NRXN3: variants seen among roughly 807,000 people sequenced by gnomAD.
NRXN3 encodes the protein neurexin III.
NRXN3 carries 32 observed loss-of-function variants against 137.6 expected under a neutral mutation model. That is an observed-to-expected ratio of 0.23 (90% confidence interval 0.18 to 0.31). The LOEUF is 0.31. Ranked by LOEUF, NRXN3 falls within the 10% of genes least tolerant of loss-of-function variation. NRXN3 has a pLI of 1.00. For synonymous variants in NRXN3, 798 were observed against 784.5 expected, an observed-to-expected ratio of 1.02 and a Z score of -0.29; for missense variants, 1,574 against 2,062.5, an observed-to-expected ratio of 0.76 and a Z score of 4.59.
intron 4 of NRXN3, among the ~76,000 whole-genome samples, chr14:78,637,959 G>A (rs936504075): frequency 6.6e-6 from 1 of 152,174 alleles, no homozygotes; most frequent in African/African-American, 2.4e-5. Flanking sequence ...AACTTTTATT[G>A]TAATGCAGTT....
At chr14:78,815,479 C>CTTTTTTTTTTTTTTTTTTTTTTT (rs61411777) in intron 10 of NRXN3, among the ~76,000 whole-genome samples, 3 of 84,432 alleles carry the variant, frequency 3.6e-5, no homozygotes, top group Non-Finnish European at 6.5e-5. Context: ...TTGTTTCTTT[C>CTTTTTTTTTTTTTTTTTTTTTTT]TTTTTTTTTT....
chr14:79,423,629 G>T (rs1179815921), intron 15 of NRXN3, among the ~76,000 whole-genome samples: 1 of 152,150 alleles, frequency 6.6e-6, no homozygotes, highest in Non-Finnish European at 1.5e-5. Flanking sequence ...TCCTTCCCCA[G>T]TGTTTGTCTA....
chr14:79,454,210 A>G (rs1487600683), intron 15 of NRXN3, among the ~76,000 whole-genome samples: 2 of 152,056 alleles, frequency 1.3e-5, no homozygotes, highest in Non-Finnish European at 2.9e-5. Context: ...CAACCTTCCA[A>G]GAAGCTGGGA....
chr14:79,343,500 G>T (rs903732182), intron 15 of NRXN3, among the ~76,000 whole-genome samples: 2 of 152,104 alleles, frequency 1.3e-5, no homozygotes, highest in Non-Finnish European at 2.9e-5. Context: ...CTCTTCATGA[G>T]ACTTGATACA....
chr14:78,786,744 T>C (rs995418112), intron 8 of NRXN3, among the ~76,000 whole-genome samples: 1 of 152,206 alleles, frequency 6.6e-6, no homozygotes, highest in African/African-American at 2.4e-5. Context: ...TATATACTTA[T>C]GTATATGTAC....
chr14:79,822,817 A>AAAC (rs1687010986), intron 20 of NRXN3, among the ~76,000 whole-genome samples: 1 of 151,982 alleles, frequency 6.6e-6, no homozygotes, highest in Non-Finnish European at 1.5e-5. Flanking sequence ...CCAAACAAAC[A>AAAC]AACAAACAAA....
At position 79,583,336 on chromosome 14, in the gene NRXN3, A is replaced by G. The variant is rs559788360; in HGVS notation, c.3445-80442A>G. Among the ~76,000 whole-genome samples the G allele has an allele frequency of 1.7e-3, 262 of 152,296 alleles. 1 individual carries two copies. Among genetic ancestry groups the G allele is most frequent in the African/African-American group, 5.8e-3 (240 of 41,568 alleles). On this transcript the variant is annotated intron_variant, in intron 16 of 20. Coordinates refer to ENST00000335750, the MANE Select transcript of NRXN3 (RefSeq NM_001330195.2). ...GACACTGCCTGGGTATAAAGCAGCT[A>G]TGTAGCTTCTAGTGTCTTAACATTG...
intron 10 of NRXN3, among the ~76,000 whole-genome samples, chr14:78,839,580 C>G (rs1397036609): frequency 6.6e-6 from 1 of 152,154 alleles, no homozygotes; most frequent in Non-Finnish European, 1.5e-5. Flanking sequence ...CTGCACACCC[C>G]TTGGGGCTGG....
intron 15 of NRXN3, among the ~76,000 whole-genome samples, chr14:79,154,827 C>T (rs1473135077): frequency 6.6e-6 from 1 of 152,028 alleles, no homozygotes; most frequent in South Asian, 2.1e-4. Flanking sequence ...AAACGTAATC[C>T]AATGCAACTT....
rs2098730003 is a variant in NRXN3, at chr14:79,694,965, A to G, written c.3707-2665A>G. Among the ~76,000 whole-genome samples the G allele has an allele frequency of 3.9e-5, 6 of 151,940 alleles. No homozygotes were observed. The South Asian group carries it at 1.0e-3, about 26-fold the overall frequency. Reference sequence around the variant, plus strand: ...AAGATGAAAAACTGAAACATAGACAACCCCCTTTACTGTCTCACTCCATCA... The same window carrying G: ...AAGATGAAAAACTGAAACATAGACAGCCCCCTTTACTGTCTCACTCCATCA... On this transcript the variant is annotated intron_variant, in intron 18 of 20. Transcript: ENST00000335750.
At chr14:78,821,070 C>T (rs113173753) in intron 10 of NRXN3, among the ~76,000 whole-genome samples, 33 of 152,158 alleles carry the variant, frequency 2.2e-4, no homozygotes, top group African/African-American at 7.5e-4. Flanking sequence ...ACTCTTTTGT[C>T]CCCTAAATCA....
At chr14:78,840,628 C>T (rs1160647092) in intron 10 of NRXN3, among the ~76,000 whole-genome samples, 1 of 151,910 alleles carries the variant, frequency 6.6e-6, no homozygotes, top group Non-Finnish European at 1.5e-5. Context: ...ACTGAGGGAG[C>T]CTTTACTATC....
intron 4 of NRXN3, among the ~76,000 whole-genome samples, chr14:78,349,380 C>A (rs2083175738): frequency 6.6e-6 from 1 of 152,300 alleles, no homozygotes; most frequent in Non-Finnish European, 1.5e-5. Flanking sequence ...TGATTTGGGC[C>A]TGCTCCAGCC....
intron 20 of NRXN3, among the ~76,000 whole-genome samples, chr14:79,834,464 G>A (rs966960846): frequency 6.6e-6 from 1 of 152,024 alleles, no homozygotes; most frequent in Non-Finnish European, 1.5e-5. Context: ...CATTTAACTA[G>A]GTATTATTTG....
At chr14:79,167,193 G>A (rs552279783) in intron 15 of NRXN3, among the ~76,000 whole-genome samples, 35 of 152,042 alleles carry the variant, frequency 2.3e-4, no homozygotes, top group Non-Finnish European at 3.8e-4. Flanking sequence ...TGTTATGAAG[G>A]AATTTTATTT....
chr14:78,542,692 C>A (rs2096602464), intron 4 of NRXN3, among the ~76,000 whole-genome samples: 1 of 152,190 alleles, frequency 6.6e-6, no homozygotes, highest in African/African-American at 2.4e-5. Context: ...CCATGGGCTA[C>A]ACCCACTGTC....
intron 16 of NRXN3, among the ~76,000 whole-genome samples, chr14:79,550,712 A>T (rs886072752): frequency 6.6e-6 from 1 of 152,094 alleles, no homozygotes; most frequent in Admixed American, 6.6e-5. Context: ...AGTGTATGAG[A>T]TTGAATCACC....
chr14:79,822,038 T>C (rs1225630124), intron 20 of NRXN3, among the ~76,000 whole-genome samples: 1 of 152,194 alleles, frequency 6.6e-6, no homozygotes, highest in Non-Finnish European at 1.5e-5. Context: ...TACAAGACGA[T>C]ATCATTGACC....
intron 15 of NRXN3, among the ~76,000 whole-genome samples, chr14:79,353,354 T>C (rs554222895): frequency 6.6e-6 from 1 of 152,216 alleles, no homozygotes; most frequent in East Asian, 1.9e-4. Flanking sequence ...GAACATATAA[T>C]GAGTATGTAT....
Sources: allele counts gnomAD v4.1 joint callset (sites outside exome capture counted in the v4.1 genomes callset), GRCh38; gene constraint gnomAD v4.1.1; transcripts MANE v1.5; gene names NCBI Gene and HGNC (gene_info 2026-07-23, HGNC 2026-07-21).